Variants in ORC2 observed in about 807,000 individuals in gnomAD.
ORC2 encodes the protein origin recognition complex subunit 2.
ORC2 carries 37 observed loss-of-function variants against 77.7 expected under a neutral mutation model. That is an observed-to-expected ratio of 0.48 (90% CI 0.37 to 0.63). The LOEUF (loss-of-function observed/expected upper bound fraction) is 0.63, where lower values mean the gene tolerates loss of function less well. Among genes scored for constraint, ORC2 ranks in the 20% least tolerant of loss-of-function variants. The pLI, the probability that ORC2 is intolerant of heterozygous loss-of-function variation, is 0.00. For synonymous variants in ORC2, 201 were observed against 229.5 expected, an observed-to-expected ratio of 0.88 and a Z score of 1.12; for missense variants, 557 against 661.9, an observed-to-expected ratio of 0.84 and a Z score of 1.74.
chr2:200,940,859 G>A (rs184102461), intron 7 of ORC2, among the ~76,000 whole-genome samples: 1 of 152,164 alleles, frequency 6.6e-6, no homozygotes, highest in African/African-American at 2.4e-5. Context: ...AAAATATAGA[G>A]TAATGGATCT....
chr2:200,925,993 G>A, intron 12 of ORC2, 61 bp from the exon 13 acceptor site: 1 of 688,596 alleles, frequency 1.5e-6, no homozygotes, highest in South Asian at 2.1e-5. Context: ...TATACAACTA[G>A]AAAATCAAAC....
intron 13 of ORC2, among the ~76,000 whole-genome samples, chr2:200,923,986 A>G (rs2040801495): frequency 6.6e-6 from 1 of 152,168 alleles, no homozygotes; most frequent in South Asian, 2.1e-4. Context: ...AAGCAGGTAA[A>G]TTTGCTATTA....
Position 200,935,825 on chromosome 2 carries a change from A to G in ORC2, c.582T>C (p.Val194=), listed in dbSNP as rs1268145264. Residue 194 remains valine, a synonymous_variant, in exon 9 of 18, where the codon GTT becomes GTC. Coordinates refer to ENST00000234296, the MANE Select transcript of ORC2 (RefSeq NM_006190.5). ...TAGTGTCCTCTTCATGTTCCTGTGC[A>G]ACCCCTTCATCATCCTCTGAGTTGG... The part of the protein sequence containing the change: ...SASNSEDDEG[V]AQEHEEDTNA... The G allele has an allele frequency of 1.2e-6, 2 of 1,614,078 alleles. No individual in the cohort carries two copies. Among genetic ancestry groups the G allele is most frequent in the Non-Finnish European group, 1.7e-6 (2 of 1,179,996 alleles).
intron 16 of ORC2, 89 bp from the exon 17 acceptor site, chr2:200,913,502 T>G: frequency 7.0e-7 from 1 of 1,435,780 alleles, no homozygotes; most frequent in Non-Finnish European, 9.2e-7. Flanking sequence ...AGAATAAAAG[T>G]GCTATTTGCA....
chr2:200,944,838 C>T (rs894566268), intron 5 of ORC2, among the ~76,000 whole-genome samples: 1 of 152,166 alleles, frequency 6.6e-6, no homozygotes, highest in Admixed American at 6.5e-5. Context: ...CCACGCCCAG[C>T]GGTGAATCAC....
chr2:200,919,439 ACCTCTGCCT>A (rs1329152770), intron 15 of ORC2, among the ~76,000 whole-genome samples: 2 of 152,070 alleles, frequency 1.3e-5, no homozygotes, highest in Admixed American at 6.6e-5. Context: ...GCTCACTGCA[ACCTCTGCCT>A]CCTGGGTTCA....
At position 200,910,917 on chromosome 2, in the gene ORC2, G is replaced by A. The variant is rs2040539755; in HGVS notation, c.*384C>T. 6.0e-6 allele frequency: 1 copy of A among 166,368 alleles called. No homozygotes were observed. Among genetic ancestry groups the A allele is most frequent in the Non-Finnish European group, 1.3e-5 (1 of 76,014 alleles). The allele number at this position is 166,368 out of a possible 1,614,324, so 10.3% of individuals were successfully genotyped here. On this transcript the variant is annotated 3_prime_UTR_variant, in exon 18 of 18. Transcript: ENST00000234296. ...CCATGTCTTTATACTTCCACACTCT[G>A]GAACAAACACACTTGCAAACAATCA... is the stretch of plus-strand genomic sequence containing the variant.
In ORC2 at chr2:200,949,543, A is replaced by C; in HGVS notation, c.328+11T>G. On this transcript the variant is annotated intron_variant, in intron 5 of 17. Coordinates refer to ENST00000234296, the MANE Select transcript of ORC2 (RefSeq NM_006190.5). ...TGAGTAATAGTTATAGAAATCAGAA[A>C]AGCAACATACCTAATTTAGCCATCT... 1.4e-6 allele frequency: 2 copies of C among 1,430,412 alleles called. No homozygotes were observed. Among genetic ancestry groups the C allele is most frequent in the Non-Finnish European group, 2.0e-6 (2 of 1,019,008 alleles). 88.6% of individuals were successfully genotyped at this position (1,430,412 alleles called of 1,614,324 possible).
At chr2:200,921,591 T>C (rs950530929) in intron 13 of ORC2, 1 of 152,216 alleles carries the variant, frequency 6.6e-6, no homozygotes, top group African/African-American at 2.4e-5. Flanking sequence ...ACTCATAAAA[T>C]AGACATGATT....
intron 5 of ORC2, among the ~76,000 whole-genome samples, chr2:200,948,691 T>G (rs949908969): frequency 2.0e-4 from 31 of 152,024 alleles, no homozygotes; most frequent in African/African-American, 7.0e-4. Flanking sequence ...GCCTCCTGGA[T>G]AGCTAGGACT....
Position 200,957,490 on chromosome 2 carries a change from A to C in ORC2, c.149T>G (p.Ile50Arg). 6.2e-7 allele frequency: 1 copy of C among 1,610,982 alleles called. No homozygotes were observed. Among genetic ancestry groups the C allele is most frequent in the Non-Finnish European group, 8.5e-7 (1 of 1,178,540 alleles). ...CTCCAAATCATATTCTGGCTTCTTT[A>C]TTATTTTTTTGGGGTTGACCAAAAG... is the stretch of plus-strand genomic sequence containing the variant. ...AQLLVNPKKI[I>R]KKPEYDLEED... The change falls in exon 4 of 18, where the codon ATA becomes AGA. Residue 50 changes from isoleucine (I) to arginine (R), a missense_variant. Ile to Arg is a moderately conservative substitution (Grantham distance 97). Transcript: ENST00000234296.
chr2:200,912,164 C>T (rs1318894056), intron 17 of ORC2, among the ~76,000 whole-genome samples: 1 of 152,172 alleles, frequency 6.6e-6, no homozygotes, highest in African/African-American at 2.4e-5. Flanking sequence ...TCTCCTAGCT[C>T]TCTATTCTCA....
At chr2:200,944,899 TAC>T (rs2041224458) in intron 5 of ORC2, among the ~76,000 whole-genome samples, 1 of 152,214 alleles carries the variant, frequency 6.6e-6, no homozygotes, top group Admixed American at 6.5e-5. Context: ...GGCAAAAAGT[TAC>T]AGTGTTTCTT....
At chr2:200,957,010 G>C (rs886803537) in intron 4 of ORC2, among the ~76,000 whole-genome samples, 1 of 152,058 alleles carries the variant, frequency 6.6e-6, no homozygotes, top group Non-Finnish European at 1.5e-5. Context: ...CACAGCCTGC[G>C]GGTGGGTGGA....
In ORC2 at chr2:200,913,994, TAAAAAA is replaced by T; in HGVS notation, c.1467-8_1467-3del. ...TTTATTAGTAGCCTGAAAATTCCCC[TAAAAAA>T]AAAAAAAAACAGGAATTTAAATCCA... On this transcript the variant is annotated splice_polypyrimidine_tract_variant and splice_region_variant and intron_variant, in intron 15 of 17. Coordinates refer to ENST00000234296, the MANE Select transcript of ORC2 (RefSeq NM_006190.5). 1 of 1,290,004 alleles carries T rather than the reference TAAAAAA, an allele frequency of 7.8e-7. No homozygotes were observed. Among genetic ancestry groups the T allele is most frequent in the East Asian group, 2.5e-5 (1 of 40,166 alleles). The allele number at this position is 1,290,004 out of a possible 1,614,324, so 79.9% of individuals were successfully genotyped here. A position where few individuals can be genotyped will look rare whatever the true frequency, so the allele number is the denominator to read the frequency against.
intron 15 of ORC2, among the ~76,000 whole-genome samples, chr2:200,915,003 C>CTTTTTTTTTT (rs1158807101): frequency 7.7e-5 from 5 of 65,272 alleles, no homozygotes; most frequent in Non-Finnish European, 1.2e-4. Context: ...CTTCCCACGT[C>CTTTTTTTTTT]TTTTTTTTTT....
intron 13 of ORC2, among the ~76,000 whole-genome samples, chr2:200,925,291 C>T (rs1343837563): frequency 6.6e-6 from 1 of 152,022 alleles, no homozygotes; most frequent in Non-Finnish European, 1.5e-5. Context: ...CGTGCCACTG[C>T]ACTTTTGGAG....
intron 11 of ORC2, 81 bp from the exon 12 acceptor site, chr2:200,926,981 T>A: frequency 7.1e-7 from 1 of 1,416,002 alleles, no homozygotes; most frequent in East Asian, 2.3e-5. Flanking sequence ...TTTCCTTAAA[T>A]TCAGTTTATA....
chr2:200,943,692 T>C (rs1299599099), intron 5 of ORC2, among the ~76,000 whole-genome samples: 1 of 152,196 alleles, frequency 6.6e-6, no homozygotes, highest in Non-Finnish European at 1.5e-5. Context: ...TGCCCCCATT[T>C]TTATCCTCCA....
Sources: allele counts gnomAD v4.1 joint callset (sites outside exome capture counted in the v4.1 genomes callset), GRCh38; gene constraint gnomAD v4.1.1; transcripts MANE v1.5; gene names NCBI Gene and HGNC (gene_info 2026-07-23, HGNC 2026-07-21).